FUCA1: variants seen among roughly 807,000 people sequenced by gnomAD.
The protein encoded by FUCA1 is tissue alpha-L-fucosidase.
A neutral mutation model predicts 56.8 loss-of-function variants in FUCA1; 52 were observed. The observed-to-expected ratio is 0.92, with a 90% confidence interval of 0.73 to 1.15. The LOEUF (loss-of-function observed/expected upper bound fraction) is 1.15, where lower values mean the gene tolerates loss of function less well. Ranked by LOEUF, FUCA1 falls within the 50% of genes most tolerant of loss-of-function variation. FUCA1 has a pLI of 0.00. For missense variants in FUCA1, 568 were observed against 592.6 expected (o/e 0.96, Z 0.43); for synonymous variants, 230 against 226.6 (o/e 1.02, Z -0.14).
At chr1:23,848,522 G>T in intron 6 of FUCA1, 127 bp downstream of exon 6, 1 of 888,260 alleles carries the variant, frequency 1.1e-6, no homozygotes, top group Non-Finnish European at 1.9e-6. Context: ...AATTTTATAG[G>T]AAAATAACCT....
At position 23,852,078 on chromosome 1, in the gene FUCA1, G is replaced by GTAATAATAATAATAATAATAATAA. The variant is rs1410102992; in HGVS notation, c.969+2258_969+2281dup. On this transcript the variant is annotated intron_variant, in intron 5 of 7. Coordinates refer to ENST00000374479, the MANE Select transcript of FUCA1 (RefSeq NM_000147.5). ...AATCAATCATATAGTATGTTAGAAGGTAATAATAATAATAATAATAATAAA... is the reference window on the plus strand; with the variant it reads ...AATCAATCATATAGTATGTTAGAAGGTAATAATAATAATAATAATAATAATAATAATAATAATAATAATAATAAA... 1.6e-3 allele frequency among the ~76,000 whole-genome samples: 230 copies of GTAATAATAATAATAATAATAATAA among 145,136 alleles called. 1 individual carries two copies. Among genetic ancestry groups the GTAATAATAATAATAATAATAATAA allele is most frequent in the Middle Eastern group, 3.6e-3 (1 of 280 alleles).
At chr1:23,855,849 G>A (rs144836996) in intron 4 of FUCA1, among the ~76,000 whole-genome samples, 8 of 152,218 alleles carry the variant, frequency 5.3e-5, no homozygotes, top group South Asian at 2.1e-4. Context: ...CTACCCATCC[G>A]CTTATTCAAT....
At position 23,867,823 on chromosome 1, in the gene FUCA1, A is replaced by T; in HGVS notation, c.389+75T>A. On this transcript the variant is annotated intron_variant, in intron 1 of 7. Coordinates refer to ENST00000374479, the MANE Select transcript of FUCA1 (RefSeq NM_000147.5). This position sits in a 1 kb window ranked among gnomAD's most constrained non-coding sequence, Gnocchi z 4.9. ...GGGGCGACCGGCAGCTGCGCGCCCCAGCTGGCCGCCCAGCCCCACCTCCTG... is the reference window on the plus strand; with the variant it reads ...GGGGCGACCGGCAGCTGCGCGCCCCTGCTGGCCGCCCAGCCCCACCTCCTG... 3 of 1,466,792 alleles carry T rather than the reference A, an allele frequency of 2.0e-6. No individual in the cohort carries two copies. The highest frequency in any genetic ancestry group is 2.7e-6 in the Non-Finnish European group (3 of 1,117,134). 90.9% of individuals were successfully genotyped at this position (1,466,792 alleles called of 1,614,324 possible). A position where few individuals can be genotyped will look rare whatever the true frequency, so the allele number is the denominator to read the frequency against.
At chr1:23,866,110 A>G (rs1302789526) in intron 1 of FUCA1, among the ~76,000 whole-genome samples, 1 of 152,228 alleles carries the variant, frequency 6.6e-6, no homozygotes, top group East Asian at 1.9e-4. Flanking sequence ...TCAGGGGTTC[A>G]AGACCAACCT....
intron 6 of FUCA1, 96 bp from the exon 7 acceptor site, chr1:23,846,269 T>C (rs965877153): frequency 1.5e-5 from 13 of 869,732 alleles, no homozygotes; most frequent in Admixed American, 5.0e-5. Context: ...AATTTTCTTT[T>C]CTTTTCTTTT....
intron 3 of FUCA1, among the ~76,000 whole-genome samples, chr1:23,860,719 A>G (rs964196143): frequency 6.6e-6 from 1 of 150,774 alleles, no homozygotes; most frequent in African/African-American, 2.4e-5. Flanking sequence ...GCTCACTGCA[A>G]CCTTCACCTG....
chr1:23,846,756 A>G (rs979763493), intron 6 of FUCA1, among the ~76,000 whole-genome samples: 81 of 151,450 alleles, frequency 5.3e-4, no homozygotes, highest in African/African-American at 1.9e-3. Context: ...TAATTTTTGT[A>G]TTTTTAGTAA....
At chr1:23,853,414 C>T (rs1299417892) in intron 5 of FUCA1, among the ~76,000 whole-genome samples, 1 of 151,144 alleles carries the variant, frequency 6.6e-6, no homozygotes, top group African/African-American at 2.4e-5. Flanking sequence ...CCCCGCCTGG[C>T]CAGCCGCCCC....
chr1:23,865,718 G>T, intron 1 of FUCA1, 93 bp from the exon 2 acceptor site: 1 of 1,359,610 alleles, frequency 7.4e-7, no homozygotes, highest in Non-Finnish European at 1.1e-6. Context: ...ATAGCTGAAA[G>T]AACTTGACCA....
At position 23,845,743 on chromosome 1, in the gene FUCA1, C is replaced by T; in HGVS notation, c.1373G>A (p.Trp458Ter). ...CTTCACTCCTGTCAGCTTTATAGTC[C>T]AAGCAAACTCTGCGGGGACAGCAGA... ...PPSAVPAEFA[W>*]TIKLTGVK is the part of the protein sequence containing the mutation. Residue 458 changes from tryptophan (W) to a stop codon, truncating the protein, a stop_gained, in exon 8 of 8, where the codon TGG becomes TAG. Coordinates refer to ENST00000374479, the MANE Select transcript of FUCA1 (RefSeq NM_000147.5). LOFTEE classifies it high-confidence loss of function. 1 of 1,614,158 alleles carries T rather than the reference C, an allele frequency of 6.2e-7. No homozygotes were observed. The highest frequency in any genetic ancestry group is 8.5e-7 in the Non-Finnish European group (1 of 1,180,028).
At chr1:23,859,065 A>G (rs1639453492) in intron 4 of FUCA1, among the ~76,000 whole-genome samples, 1 of 152,032 alleles carries the variant, frequency 6.6e-6, no homozygotes, top group African/African-American at 2.4e-5. Context: ...TACAGGCATG[A>G]GCTGCTATGC....
In FUCA1 at chr1:23,861,665, G is replaced by T. The variant is rs905578976; in HGVS notation, c.662+1469C>A. On this transcript the variant is annotated intron_variant, in intron 3 of 7. Coordinates refer to ENST00000374479, the MANE Select transcript of FUCA1 (RefSeq NM_000147.5). The stretch of plus-strand genomic sequence containing the variant: ...CTGAGCCCTATAAGGCATGTATGTT[G>T]TGTGTATATACATAAATACATATGT... Among the ~76,000 whole-genome samples the T allele has an allele frequency of 2.8e-4, 42 of 152,130 alleles. 1 individual carries two copies. The highest frequency in any genetic ancestry group is 4.7e-4 in the Non-Finnish European group (32 of 68,014).
rs753430177 is a variant in FUCA1 at position 23,866,380 on chromosome 1, AAT to A, written c.390-757_390-756del. 2.6e-5 allele frequency among the ~76,000 whole-genome samples: 4 copies of A among 152,366 alleles called. No individual in the cohort carries two copies. In the East Asian group the frequency reaches 7.7e-4, roughly 29 times the overall value. On this transcript the variant is annotated intron_variant, in intron 1 of 7. Transcript: ENST00000374479. ...CTGTTTGGTTTACCAAGCCTACATA[AAT>A]TGCCTCTCATTTATTATAGAGGTGA...
At chr1:23,859,514 G>A (rs928687522) in intron 4 of FUCA1, among the ~76,000 whole-genome samples, 1 of 151,606 alleles carries the variant, frequency 6.6e-6, no homozygotes, top group Non-Finnish European at 1.5e-5. Context: ...TGCAGTGAGC[G>A]GAGATCGCAC....
intron 2 of FUCA1, 134 bp downstream of exon 2, chr1:23,865,357 G>C: frequency 1.8e-6 from 2 of 1,118,160 alleles, no homozygotes; most frequent in South Asian, 2.6e-5. Context: ...AAAACACACA[G>C]GAGTAGAAGG....
chr1:23,845,986 G>C, intron 7 of FUCA1, 88 bp downstream of exon 7: 1 of 1,503,374 alleles, frequency 6.7e-7, no homozygotes. Context: ...TGTGAATATG[G>C]GAGAAACCTG....
rs762699127 is a variant in FUCA1, at chr1:23,859,885, G to C, written c.681C>G (p.Ile227Met). 3 of 1,610,644 alleles carry C rather than the reference G, an allele frequency of 1.9e-6. No individual in the cohort carries two copies. In the Admixed American group the frequency reaches 5.0e-5, roughly 27 times the overall value. Residue 227 changes from isoleucine (I) to methionine (M), a missense_variant, in exon 4 of 8, where the codon ATC (isoleucine) becomes ATG (methionine). Transcript: ENST00000374479. ...DLVNSYKPDL[I>M]WSDGEWECPD... ...GACATTCCCACTCCCCATCAGACCAGATCAGATCAGGTTTATAGCTGGAAG... is the reference window on the plus strand; with the variant it reads ...GACATTCCCACTCCCCATCAGACCACATCAGATCAGGTTTATAGCTGGAAG...
intron 4 of FUCA1, among the ~76,000 whole-genome samples, chr1:23,855,757 C>T (rs1317399518): frequency 6.6e-6 from 1 of 152,118 alleles, no homozygotes. Context: ...AAGGACAACT[C>T]AAGATCAATT....
chr1:23,849,575 C>CTTTTTTTTTT (rs991049814), intron 5 of FUCA1, among the ~76,000 whole-genome samples: 10 of 80,260 alleles, frequency 1.2e-4, no homozygotes, highest in African/African-American at 4.7e-4. Context: ...GAGATACGTT[C>CTTTTTTTTTT]TTTTTTTTTT....
Sources: gnomAD v4.1 joint callset for allele counts (sites outside exome capture counted in the v4.1 genomes callset) on GRCh38, gnomAD v4.1.1 for gene constraint, Gnocchi (gnomAD v3.1) non-coding constraint, MANE v1.5 for transcripts, NCBI Gene and HGNC (gene_info 2026-07-23, HGNC 2026-07-21) for gene names.